The following TTC34 variants were observed in gnomAD, a reference collection of about 807,000 sequenced individuals.
TTC34 encodes the protein tetratricopeptide repeat protein 34.
A neutral mutation model predicts 40.7 loss-of-function variants in TTC34; 44 were observed. The observed-to-expected ratio is 1.08, with a 90% confidence interval of 0.85 to 1.39. The LOEUF is 1.39. Among genes scored for constraint, TTC34 ranks in the 40% most tolerant of loss-of-function variants. The pLI, the probability that TTC34 is intolerant of heterozygous loss-of-function variation, is 0.00. For synonymous variants in TTC34, 422 were observed against 398.6 expected, an observed-to-expected ratio of 1.06 and a Z score of -0.70; for missense variants, 884 against 838.0, an observed-to-expected ratio of 1.05 and a Z score of -0.68.
At chr1:2,786,693 C>A (rs145088425) in intron 4 of TTC34, among the ~76,000 whole-genome samples, 3 of 152,142 alleles carry the variant, frequency 2.0e-5, no homozygotes, top group Non-Finnish European at 2.9e-5. Context: ...TCAGACGACG[C>A]GGAGCAAAAG....
At chr1:2,675,364 C>T (rs1216790768) in intron 6 of TTC34, among the ~76,000 whole-genome samples, 3 of 101,588 alleles carry the variant, frequency 3.0e-5, no homozygotes, top group African/African-American at 6.3e-5. Flanking sequence ...ACCCACACGC[C>T]CAGGTGAGCC....
At chr1:2,685,025 A>G (rs1324694188) in intron 6 of TTC34, among the ~76,000 whole-genome samples, 2 of 140,408 alleles carry the variant, frequency 1.4e-5, no homozygotes, top group African/African-American at 5.8e-5. Flanking sequence ...ACAGCATGTA[A>G]CAGCACCCAC....
chr1:2,688,375 G>A (rs1182453977), intron 6 of TTC34, among the ~76,000 whole-genome samples: 2 of 151,956 alleles, frequency 1.3e-5, no homozygotes, highest in Admixed American at 1.3e-4. Flanking sequence ...CACACGCCCA[G>A]GTGAGCATCT....
In TTC34 at chr1:2,688,329, C is replaced by T. The variant is rs79657442; in HGVS notation, c.2227-42766G>A. 7.2e-3 allele frequency among the ~76,000 whole-genome samples: 1,074 copies of T among 148,858 alleles called. 2 individuals are homozygous for T. The highest frequency in any genetic ancestry group is 0.012 in the Non-Finnish European group (778 of 66,590). ...TGACAGCCTGGAGCAGAACCCCACACCCCCAGGTGAGCATCGGACAGCCTG... is the reference window on the plus strand; with the variant it reads ...TGACAGCCTGGAGCAGAACCCCACATCCCCAGGTGAGCATCGGACAGCCTG... On this transcript the variant is annotated intron_variant, in intron 6 of 8. Transcript: ENST00000401095.
intron 6 of TTC34, chr1:2,776,344 C>G (rs999747399): frequency 2.9e-5 from 4 of 138,888 alleles, no homozygotes; most frequent in African/African-American, 1.3e-4. Context: ...GAGCATCTGG[C>G]AGCCTGGTAA....
At chr1:2,767,898 G>A (rs1480418110) in intron 6 of TTC34, among the ~76,000 whole-genome samples, 1 of 143,630 alleles carries the variant, frequency 7.0e-6, no homozygotes. Context: ...CACCAGATGA[G>A]CATCTGACAA....
rs921183597 is a variant in TTC34, at chr1:2,641,670, A to T, written c.2938T>A (p.Phe980Ile). The change falls in exon 9 of 9, where the codon TTC becomes ATC. Residue 980 changes from phenylalanine (F) to isoleucine (I), a missense_variant. Phe to Ile is a conservative substitution (Grantham distance 21, BLOSUM62 0). Transcript: ENST00000401095. ...AGCAGCAGGCGACCCTGACGGCAGA[A>T]GTCCTCTGCCCGCCTTGGGAGGTCA... is the stretch of plus-strand genomic sequence containing the variant. 1.2e-5 allele frequency: 18 copies of T among 1,535,310 alleles called. No individual in the cohort carries two copies. In the Admixed American group the frequency reaches 3.5e-4, roughly 30 times the overall value.
intron 6 of TTC34, among the ~76,000 whole-genome samples, chr1:2,686,024 G>A (rs1570812899): frequency 1.7e-5 from 2 of 120,974 alleles, no homozygotes; most frequent in East Asian, 5.3e-4. Context: ...CTGACAGCCT[G>A]GAACAGCACC....
intron 6 of TTC34, among the ~76,000 whole-genome samples, chr1:2,652,378 A>C: frequency 2.0e-5 from 3 of 152,096 alleles, no homozygotes; most frequent in African/African-American, 4.8e-5. Flanking sequence ...CCAGGTGAGC[A>C]TCTGACAGCC....
rs1316472359 is a variant in TTC34, at chr1:2,699,579, G to A, written c.2227-54016C>T. Among the ~76,000 whole-genome samples the A allele has an allele frequency of 6.4e-5, 9 of 140,642 alleles. 1 individual carries two copies. In the Admixed American group the frequency reaches 6.7e-4, roughly 11 times the overall value. The allele number at this position is 140,642 out of a possible 152,430, so 92.3% of individuals were successfully genotyped here. A position where few individuals can be genotyped will look rare whatever the true frequency, so the allele number is the denominator to read the frequency against. On this transcript the variant is annotated intron_variant, in intron 6 of 8. Transcript: ENST00000401095. ...GCCTGGAGCAGCACCCACACCCCCA[G>A]GTGAGCATCTGACAGCCTGGAGCAG...
Position 2,785,858 on chromosome 1 carries a change from C to A in TTC34, c.2020G>T (p.Glu674Ter). 6 of 1,545,658 alleles carry A rather than the reference C, an allele frequency of 3.9e-6. No individual in the cohort carries two copies. Among genetic ancestry groups the A allele is most frequent in the Middle Eastern group, 1.7e-4 (1 of 5,826 alleles). ...GCCAGAGACAGGTAGGCGATGGCCT[C>A]CTTGGTGTGAACCCTGCCGTCGGCC... The change falls in exon 5 of 9, where the codon GAG (glutamate) becomes TAG (stop). Residue 674 changes from glutamate (E) to a stop codon, truncating the protein, a stop_gained. Transcript: ENST00000401095. LOFTEE classifies it high-confidence loss of function.
chr1:2,656,413 C>T (rs1233066383), intron 6 of TTC34, among the ~76,000 whole-genome samples: 9 of 35,984 alleles, frequency 2.5e-4, no homozygotes, highest in African/African-American at 5.9e-4. Flanking sequence ...ACAGCACCCA[C>T]ACCCCCAGGT....
exon 3 of TTC34, chr1:2,790,026 C>T (rs1480084444): frequency 5.0e-6 from 2 of 396,238 alleles, no homozygotes; most frequent in Non-Finnish European, 8.9e-6. Flanking sequence ...GCGGGTCGCG[C>T]CCCGGCAGGC....
intron 6 of TTC34, among the ~76,000 whole-genome samples, chr1:2,750,249 G>T (rs1641270982): frequency 1.3e-5 from 2 of 149,782 alleles, no homozygotes; most frequent in African/African-American, 2.5e-5. Context: ...CACACCCACA[G>T]GTGGGCATCT....
chr1:2,795,390 C>T (rs1643701677), intron 2 of TTC34, among the ~76,000 whole-genome samples: 1 of 152,220 alleles, frequency 6.6e-6, no homozygotes, highest in Admixed American at 6.5e-5. Flanking sequence ...GGACAAGAGA[C>T]TCTAAGGTGG....
At chr1:2,685,953 C>T (rs113935196) in intron 6 of TTC34, among the ~76,000 whole-genome samples, 29 of 143,026 alleles carry the variant, frequency 2.0e-4, no homozygotes, top group African/African-American at 7.3e-4. Context: ...GGGAACAGCA[C>T]CCACACCCAC....
intron 3 of TTC34, among the ~76,000 whole-genome samples, chr1:2,788,502 G>A (rs926918413): frequency 3.9e-5 from 6 of 152,104 alleles, no homozygotes; most frequent in South Asian, 2.1e-4. Flanking sequence ...CCCACCCCCC[G>A]GACTCAGTGC....
chr1:2,684,664 G>A (rs796311015), intron 6 of TTC34, among the ~76,000 whole-genome samples: 18 of 80,476 alleles, frequency 2.2e-4, no homozygotes, highest in East Asian at 1.4e-3. Context: ...ACAGCCTGGA[G>A]CAGCACCCAC....
At chr1:2,754,750 C>A (rs1175667553) in intron 6 of TTC34, among the ~76,000 whole-genome samples, 1 of 137,776 alleles carries the variant, frequency 7.3e-6, no homozygotes, top group African/African-American at 2.6e-5. Flanking sequence ...CCCAGGTGCG[C>A]ATGTGATGGT....
Sources: gnomAD v4.1 joint callset for allele counts (sites outside exome capture counted in the v4.1 genomes callset) on GRCh38, gnomAD v4.1.1 for gene constraint, MANE v1.5 for transcripts, NCBI Gene and HGNC (gene_info 2026-07-23, HGNC 2026-07-21) for gene names.